SMYD3: variants seen among roughly 807,000 people sequenced by gnomAD.
SMYD3 encodes the protein SET and MYND domain containing 3.
SMYD3 carries 36 observed loss-of-function variants against 57.7 expected under a neutral mutation model. The ratio of observed to expected loss-of-function variants is 0.62; its 90% confidence interval spans 0.48 to 0.82. SMYD3 has a LOEUF of 0.82. Ranked by LOEUF, SMYD3 falls within the 40% of genes least tolerant of loss-of-function variation. SMYD3 has a pLI of 0.00. For missense variants in SMYD3, 515 were observed against 538.8 expected (o/e 0.96, Z 0.44); for synonymous variants, 211 against 195.0 (o/e 1.08, Z -0.68).
At chr1:246,206,634 C>T (rs2063004775) in intron 5 of SMYD3, among the ~76,000 whole-genome samples, 1 of 152,106 alleles carries the variant, frequency 6.6e-6, no homozygotes, top group African/African-American at 2.4e-5. Flanking sequence ...ATCCACTGTG[C>T]TGCATAAAGG....
intron 1 of SMYD3, among the ~76,000 whole-genome samples, chr1:246,439,090 C>T (rs2067425047): frequency 7.7e-6 from 1 of 130,070 alleles, no homozygotes; most frequent in Non-Finnish European, 1.6e-5. Flanking sequence ...ATTTTTATTG[C>T]CACATTGTTA....
chr1:246,223,160 A>G (rs1168093917), intron 5 of SMYD3, among the ~76,000 whole-genome samples: 1 of 152,118 alleles, frequency 6.6e-6, no homozygotes, highest in Admixed American at 6.5e-5. Flanking sequence ...TCTCCTCAGG[A>G]AAGAGAGTCT....
At chr1:246,070,730 T>C (rs139151579) in intron 5 of SMYD3, among the ~76,000 whole-genome samples, 65 of 152,178 alleles carry the variant, frequency 4.3e-4, no homozygotes, top group South Asian at 1.7e-3. Context: ...TCCTAATTAG[T>C]GCCCAGTCCT....
At chr1:246,452,071 A>G (rs946686071) in intron 1 of SMYD3, among the ~76,000 whole-genome samples, 7 of 152,238 alleles carry the variant, frequency 4.6e-5, no homozygotes, top group Non-Finnish European at 7.3e-5. Flanking sequence ...CTAATTTAAC[A>G]TTCTTTTAAA....
intron 7 of SMYD3, among the ~76,000 whole-genome samples, chr1:245,919,148 T>C (rs997971978): frequency 4.6e-5 from 7 of 152,184 alleles, no homozygotes; most frequent in African/African-American, 1.7e-4. Context: ...AGTGTACCTT[T>C]CATCTTCTAA....
intron 5 of SMYD3, among the ~76,000 whole-genome samples, chr1:245,970,434 T>A (rs1033439503): frequency 1.3e-5 from 2 of 152,082 alleles, no homozygotes; most frequent in Admixed American, 6.5e-5. Flanking sequence ...CCAAAAGCAA[T>A]GGCAACAAAA....
At position 245,972,679 on chromosome 1, in the gene SMYD3, A is replaced by C. The variant is rs1187658021; in HGVS notation, c.532-42742T>G. Among the ~76,000 whole-genome samples, 4 of 152,330 alleles carry C rather than the reference A, an allele frequency of 2.6e-5. No homozygotes were observed. In the East Asian group the frequency reaches 7.7e-4, roughly 29 times the overall value. On this transcript the variant is annotated intron_variant, in intron 5 of 11. Coordinates refer to ENST00000490107, the MANE Select transcript of SMYD3 (RefSeq NM_001167740.2). ...CGCTCCAACTGAGTGGAAGTGAAAGAGTTGGGAACTGCTTCTGGAGCTAAG... is the reference window on the plus strand; with the variant it reads ...CGCTCCAACTGAGTGGAAGTGAAAGCGTTGGGAACTGCTTCTGGAGCTAAG...
At chr1:246,378,734 A>T (rs1333022690) in intron 1 of SMYD3, among the ~76,000 whole-genome samples, 1 of 103,374 alleles carries the variant, frequency 9.7e-6, no homozygotes, top group Admixed American at 1.5e-4. Context: ...ATTATATATT[A>T]TATATAATTA....
At chr1:245,907,875 C>G (rs548702761) in intron 8 of SMYD3, among the ~76,000 whole-genome samples, 1 of 152,018 alleles carries the variant, frequency 6.6e-6, no homozygotes, top group Non-Finnish European at 1.5e-5. Flanking sequence ...TGGTGGCTCA[C>G]GCCTGTAATC....
chr1:245,882,831 G>A (rs1012376013), intron 8 of SMYD3, among the ~76,000 whole-genome samples: 6 of 152,174 alleles, frequency 3.9e-5, no homozygotes, highest in Non-Finnish European at 7.3e-5. Context: ...TCACTGAAAG[G>A]CTGGATGGCA....
intron 5 of SMYD3, among the ~76,000 whole-genome samples, chr1:245,952,978 T>C (rs2057712549): frequency 6.6e-6 from 1 of 152,130 alleles, no homozygotes; most frequent in African/African-American, 2.4e-5. Flanking sequence ...CATAAAATAC[T>C]AGATTCCAAA....
At chr1:245,815,957 T>C (rs1307609157) in intron 10 of SMYD3, among the ~76,000 whole-genome samples, 1 of 152,212 alleles carries the variant, frequency 6.6e-6, no homozygotes, top group Non-Finnish European at 1.5e-5. Flanking sequence ...GGGACTGCCT[T>C]GCAGCACTCA....
intron 10 of SMYD3, among the ~76,000 whole-genome samples, chr1:245,811,373 A>G (rs1435241311): frequency 6.6e-6 from 1 of 152,248 alleles, no homozygotes; most frequent in Non-Finnish European, 1.5e-5. Flanking sequence ...TAAGAATGCT[A>G]TAATTATCAT....
chr1:246,344,614 A>G (rs142111339), intron 2 of SMYD3, among the ~76,000 whole-genome samples: 240 of 152,334 alleles, frequency 1.6e-3, no homozygotes, highest in Admixed American at 2.9e-3. Flanking sequence ...GCTGGGTCAT[A>G]CAGTAAGTAC....
In SMYD3 at chr1:246,088,611, AAG is replaced by A. The variant is rs201242227; in HGVS notation, c.532-158676_532-158675del. 2.7e-3 allele frequency among the ~76,000 whole-genome samples: 150 copies of A among 55,206 alleles called. 1 individual carries two copies. In the East Asian group the frequency reaches 0.032, roughly 12 times the overall value. The allele number at this position is 55,206 out of a possible 152,430, so 36.2% of individuals were successfully genotyped here. On this transcript the variant is annotated intron_variant, in intron 5 of 11. Coordinates refer to ENST00000490107, the MANE Select transcript of SMYD3 (RefSeq NM_001167740.2). ...GGCGACAGGGCGAGACTCCGTCTCAAAGAAAAAAAAAAGTTAAGAGTAATGAG... is the reference window on the plus strand; with the variant it reads ...GGCGACAGGGCGAGACTCCGTCTCAAAAAAAAAAAAGTTAAGAGTAATGAG...
At chr1:246,405,647 G>C (rs1365935850) in intron 1 of SMYD3, among the ~76,000 whole-genome samples, 1 of 152,048 alleles carries the variant, frequency 6.6e-6, no homozygotes, top group Non-Finnish European at 1.5e-5. Context: ...AGTGGTTCAC[G>C]TCTGTAATCC....
chr1:245,817,768 G>C (rs373524952), intron 10 of SMYD3, among the ~76,000 whole-genome samples: 1 of 147,298 alleles, frequency 6.8e-6, no homozygotes, highest in East Asian at 2.0e-4. Flanking sequence ...CTCAGGAGCC[G>C]ATGTGATCAA....
intron 10 of SMYD3, among the ~76,000 whole-genome samples, chr1:245,808,047 G>A (rs943979155): frequency 1.3e-5 from 2 of 152,116 alleles, no homozygotes; most frequent in Non-Finnish European, 2.9e-5. Context: ...TGTAAAGGGC[G>A]ATTCAAATTC....
At chr1:246,127,852 C>T (rs970761823) in intron 5 of SMYD3, among the ~76,000 whole-genome samples, 3 of 151,880 alleles carry the variant, frequency 2.0e-5, no homozygotes, top group East Asian at 1.9e-4. Context: ...GCCACGATCA[C>T]GCCCCTGTGC....
Sources: allele counts gnomAD v4.1 joint callset (sites outside exome capture counted in the v4.1 genomes callset), GRCh38; gene constraint gnomAD v4.1.1; transcripts MANE v1.5; gene names NCBI Gene and HGNC (gene_info 2026-07-23, HGNC 2026-07-21).